CALN1: variants seen among roughly 807,000 people sequenced by gnomAD.
The protein encoded by CALN1 is calneuron 1.
A neutral mutation model predicts 30.6 loss-of-function variants in CALN1; 17 were observed. The observed-to-expected ratio is 0.56, with a 90% confidence interval of 0.38 to 0.83. The LOEUF (loss-of-function observed/expected upper bound fraction) is 0.83. CALN1 is among the 40% of genes least tolerant of loss of function. CALN1 has a pLI of 0.00. For synonymous variants in CALN1, 156 were observed against 131.4 expected (o/e 1.19, Z -1.28); for missense variants, 291 against 354.9 (o/e 0.82, Z 1.45).
chr7:72,192,810 C>A (rs1213239091), intron 3 of CALN1, among the ~76,000 whole-genome samples: 1 of 121,572 alleles, frequency 8.2e-6, no homozygotes, highest in African/African-American at 3.1e-5. Flanking sequence ...CCCCTCCCCC[C>A]ACCCCACAAC....
intron 2 of CALN1, among the ~76,000 whole-genome samples, chr7:72,390,706 T>C (rs1405563307): frequency 6.6e-6 from 1 of 152,202 alleles, no homozygotes; most frequent in African/African-American, 2.4e-5. Context: ...TACTTTGAAA[T>C]GTTGTTTATG....
intron 4 of CALN1, among the ~76,000 whole-genome samples, chr7:72,103,763 G>T (rs192661878): frequency 9.2e-4 from 140 of 152,002 alleles, no homozygotes; most frequent in East Asian, 3.1e-3. Flanking sequence ...GGAAATGGAG[G>T]GGGGGGGAAG....
At chr7:72,220,843 T>C (rs544566018) in intron 3 of CALN1, among the ~76,000 whole-genome samples, 6 of 152,362 alleles carry the variant, frequency 3.9e-5, no homozygotes, top group Admixed American at 2.0e-4. Flanking sequence ...AATGTCTTCT[T>C]CTGAGAAGTG....
intron 3 of CALN1, among the ~76,000 whole-genome samples, chr7:72,214,480 G>GA (rs901441584): frequency 1.5e-4 from 23 of 149,574 alleles, no homozygotes; most frequent in Admixed American, 6.7e-4. Flanking sequence ...CTCCATCTCA[G>GA]AAAAAAAAAG....
intron 4 of CALN1, among the ~76,000 whole-genome samples, chr7:72,050,283 C>A (rs879712689): frequency 6.6e-6 from 1 of 152,012 alleles, no homozygotes; most frequent in Non-Finnish European, 1.5e-5. Flanking sequence ...TGTTGTCTTT[C>A]AAGATGAAAA....
chr7:72,434,399 G>C (rs1808080354), intron 1 of CALN1, among the ~76,000 whole-genome samples: 1 of 151,330 alleles, frequency 6.6e-6, no homozygotes, highest in African/African-American at 2.4e-5. Context: ...GCGGGCACCT[G>C]TAATCACAGC....
chr7:72,333,160 C>G (rs1562896864), intron 2 of CALN1, among the ~76,000 whole-genome samples: 1 of 152,204 alleles, frequency 6.6e-6, no homozygotes, highest in Non-Finnish European at 1.5e-5. Flanking sequence ...GAAAAGCTAA[C>G]CACGTCCTAA....
the CALN1 span, among the ~76,000 whole-genome samples, chr7:72,464,825 C>T: frequency 6.6e-6 from 1 of 152,206 alleles, no homozygotes; most frequent in Non-Finnish European, 1.5e-5. Flanking sequence ...CCATCCATAG[C>T]AAAGATGTGG....
At chr7:72,094,147 C>G (rs558265229) in intron 4 of CALN1, among the ~76,000 whole-genome samples, 50 of 152,304 alleles carry the variant, frequency 3.3e-4, no homozygotes, top group Non-Finnish European at 1.8e-4. Context: ...TGTGAATGAA[C>G]AGAGAATTGC....
intron 2 of CALN1, among the ~76,000 whole-genome samples, chr7:72,312,289 A>G (rs965309194): frequency 6.6e-6 from 1 of 151,600 alleles, no homozygotes; most frequent in African/African-American, 2.4e-5. Context: ...CTGTAATCCC[A>G]GCTACTCGGG....
intron 5 of CALN1, among the ~76,000 whole-genome samples, chr7:71,943,481 C>T (rs10258263): frequency 0.35 from 52,739 of 151,976 alleles, 9,602 homozygotes; most frequent in African/African-American, 0.44. Context: ...CACTCTGTCA[C>T]CCAGGCTGGA....
chr7:72,044,355 C>A (rs1802326282), intron 4 of CALN1, among the ~76,000 whole-genome samples: 1 of 151,516 alleles, frequency 6.6e-6, no homozygotes, highest in Middle Eastern at 3.2e-3. Flanking sequence ...TAGGCCAAGC[C>A]ACCTCACCCC....
At chr7:72,399,411 T>TAA (rs1003071854) in intron 2 of CALN1, among the ~76,000 whole-genome samples, 3 of 151,424 alleles carry the variant, frequency 2.0e-5, no homozygotes, top group Non-Finnish European at 4.4e-5. Context: ...GCTGGGACTG[T>TAA]AAGCGCACAC....
At chr7:72,381,998 C>T (rs1388984317) in intron 2 of CALN1, among the ~76,000 whole-genome samples, 1 of 152,116 alleles carries the variant, frequency 6.6e-6, no homozygotes, top group Non-Finnish European at 1.5e-5. Context: ...TGGATCACAA[C>T]TTGGCGAAAT....
chr7:72,298,845 C>T (rs975792321), intron 2 of CALN1, among the ~76,000 whole-genome samples: 2 of 151,386 alleles, frequency 1.3e-5, no homozygotes, highest in African/African-American at 2.4e-5. Context: ...AGTTTCCCTG[C>T]ACAAACTCTG....
chr7:72,065,869 G>A (rs1803986620), intron 4 of CALN1, among the ~76,000 whole-genome samples: 1 of 151,920 alleles, frequency 6.6e-6, no homozygotes, highest in African/African-American at 2.4e-5. Context: ...CTCCAGCCTG[G>A]GCAACAAGAG....
intron 5 of CALN1, among the ~76,000 whole-genome samples, chr7:72,019,643 G>A (rs529317409): frequency 3.3e-5 from 5 of 152,192 alleles, no homozygotes; most frequent in African/African-American, 1.2e-4. Context: ...CACCTTGCCA[G>A]CCAGGTGAGT....
intron 5 of CALN1, among the ~76,000 whole-genome samples, chr7:71,930,748 G>A (rs1795508059): frequency 6.6e-6 from 1 of 152,206 alleles, no homozygotes; most frequent in African/African-American, 2.4e-5. Context: ...TCTCTCGCGT[G>A]TGTGTATTCT....
chr7:72,145,037 C>G (rs548162985), intron 3 of CALN1, among the ~76,000 whole-genome samples: 1 of 152,096 alleles, frequency 6.6e-6, no homozygotes, highest in Non-Finnish European at 1.5e-5. Context: ...CTAAAAATGA[C>G]ACCCTAACAT....
Sources: gnomAD v4.1 joint callset for allele counts (sites outside exome capture counted in the v4.1 genomes callset) on GRCh38, gnomAD v4.1.1 for gene constraint, MANE v1.5 for transcripts, NCBI Gene and HGNC (gene_info 2026-07-23, HGNC 2026-07-21) for gene names.